AGBL4: variants seen among roughly 807,000 people sequenced by gnomAD.
AGBL4 encodes cytosolic carboxypeptidase 6.
In AGBL4, 58 loss-of-function variants were observed where a neutral mutation model predicts 66.4. The observed-to-expected ratio is 0.87, with a 90% CI of 0.71 to 1.09. The LOEUF (loss-of-function observed/expected upper bound fraction) is 1.09, where lower values mean the gene tolerates loss of function less well. AGBL4 is among the 50% of genes least tolerant of loss of function. The probability of loss-of-function intolerance (pLI) is 0.00; values close to 1 mark genes in which losing one functional copy is unlikely to be tolerated. For missense variants in AGBL4, 579 were observed against 631.0 expected (o/e 0.92, Z 0.88); for synonymous variants, 234 against 222.9 (o/e 1.05, Z -0.44).
At chr1:49,312,340 C>G (rs141884531) in intron 3 of AGBL4, among the ~76,000 whole-genome samples, 2 of 152,062 alleles carry the variant, frequency 1.3e-5, no homozygotes, top group African/African-American at 4.8e-5. Context: ...AAGACAGAGT[C>G]CTTATCAGAC....
chr1:49,784,929 T>A (rs1201992739), intron 2 of AGBL4, among the ~76,000 whole-genome samples: 1 of 152,064 alleles, frequency 6.6e-6, no homozygotes, highest in African/African-American at 2.4e-5. Context: ...CCACAAATCC[T>A]TGCTCTGCCA....
intron 5 of AGBL4, among the ~76,000 whole-genome samples, chr1:49,011,011 A>G (rs1274937984): frequency 6.6e-6 from 1 of 151,830 alleles, no homozygotes; most frequent in South Asian, 2.1e-4. Context: ...AATGGCAACA[A>G]AAGACAAAAT....
chr1:49,129,111 A>G (rs1042348514), intron 4 of AGBL4, among the ~76,000 whole-genome samples: 1 of 152,070 alleles, frequency 6.6e-6, no homozygotes, highest in Non-Finnish European at 1.5e-5. Context: ...AATGCTTACT[A>G]TCATCAGGCA....
chr1:49,468,741 G>T (rs1178856296), intron 3 of AGBL4, among the ~76,000 whole-genome samples: 1 of 151,714 alleles, frequency 6.6e-6, no homozygotes, highest in Non-Finnish European at 1.5e-5. Flanking sequence ...GAGACCTTTA[G>T]AGAGTTCTAA....
intron 3 of AGBL4, among the ~76,000 whole-genome samples, chr1:49,485,544 A>T (rs1647048769): frequency 6.6e-6 from 1 of 151,500 alleles, no homozygotes; most frequent in Non-Finnish European, 1.5e-5. Flanking sequence ...CCAACATGGC[A>T]CATGTATACA....
intron 11 of AGBL4, among the ~76,000 whole-genome samples, chr1:48,556,781 T>TTTTTG (rs899659220): frequency 2.6e-5 from 4 of 152,126 alleles, no homozygotes; most frequent in African/African-American, 4.8e-5. Context: ...ACCTATTTCT[T>TTTTTG]TTTTGTTTTG....
chr1:49,636,793 T>C (rs1645681292), intron 3 of AGBL4, among the ~76,000 whole-genome samples: 1 of 152,214 alleles, frequency 6.6e-6, no homozygotes, highest in Non-Finnish European at 1.5e-5. Flanking sequence ...TTTATTGATC[T>C]GCATGATCCA....
chr1:49,790,360 T>C (rs1212806302), intron 2 of AGBL4, among the ~76,000 whole-genome samples: 1 of 90,064 alleles, frequency 1.1e-5, no homozygotes, highest in African/African-American at 3.8e-5. Context: ...TGAGATTCTA[T>C]CTCAAAAAAA....
intron 4 of AGBL4, among the ~76,000 whole-genome samples, chr1:49,227,277 T>C (rs1433969224): frequency 6.6e-6 from 1 of 152,212 alleles, no homozygotes; most frequent in Non-Finnish European, 1.5e-5. Context: ...GCACCAACAA[T>C]GGTGTTGATA....
At chr1:48,842,216 C>A (rs1000556468) in intron 6 of AGBL4, among the ~76,000 whole-genome samples, 1 of 152,166 alleles carries the variant, frequency 6.6e-6, no homozygotes, top group African/African-American at 2.4e-5. Flanking sequence ...CACCCCATTT[C>A]CCATCATTCC....
At chr1:49,547,975 T>C (rs1652635761) in intron 3 of AGBL4, among the ~76,000 whole-genome samples, 1 of 152,082 alleles carries the variant, frequency 6.6e-6, no homozygotes, top group Non-Finnish European at 1.5e-5. Context: ...GGTTTCACCA[T>C]GTTGGTGAGG....
At chr1:49,198,892 A>T (rs1570036117) in intron 4 of AGBL4, among the ~76,000 whole-genome samples, 1 of 152,166 alleles carries the variant, frequency 6.6e-6, no homozygotes, top group African/African-American at 2.4e-5. Flanking sequence ...GAGACAAACA[A>T]CTAATTAGAG....
intron 5 of AGBL4, among the ~76,000 whole-genome samples, chr1:49,035,724 C>A (rs905879790): frequency 1.6e-4 from 24 of 151,692 alleles, no homozygotes; most frequent in African/African-American, 5.6e-4. Context: ...ACCTGACACT[C>A]CTGGGGTGTG....
intron 5 of AGBL4, among the ~76,000 whole-genome samples, chr1:49,025,833 A>C (rs1372944638): frequency 1.3e-5 from 2 of 152,162 alleles, no homozygotes; most frequent in Non-Finnish European, 2.9e-5. Context: ...CGGATTTATT[A>C]TTTTCATAAC....
chr1:49,053,606 G>C (rs2147894117), intron 4 of AGBL4, among the ~76,000 whole-genome samples: 1 of 152,212 alleles, frequency 6.6e-6, no homozygotes, highest in East Asian at 1.9e-4. Context: ...AAGCAGTCCT[G>C]CTTATAGGGA....
chr1:49,393,748 C>T (rs1644898848), intron 3 of AGBL4, among the ~76,000 whole-genome samples: 1 of 152,152 alleles, frequency 6.6e-6, no homozygotes, highest in African/African-American at 2.4e-5. Flanking sequence ...TCACTAAGTG[C>T]ATAGAGCTGT....
At chr1:48,837,708 ACAC>A (rs1425622871) in intron 6 of AGBL4, among the ~76,000 whole-genome samples, 7 of 72,354 alleles carry the variant, frequency 9.7e-5, no homozygotes, top group Admixed American at 8.6e-4. Context: ...GCACACACAC[ACAC>A]TATATATATA....
chr1:48,765,191 G>A (rs565997882), intron 6 of AGBL4, among the ~76,000 whole-genome samples: 10 of 152,128 alleles, frequency 6.6e-5, no homozygotes, highest in South Asian at 6.2e-4. Flanking sequence ...ATCCACTGGC[G>A]TATGAGTAAC....
Position 49,285,152 on chromosome 1 carries a change from G to C in AGBL4, c.283-39288C>G, listed in dbSNP as rs1271612657. 8.5e-5 allele frequency among the ~76,000 whole-genome samples: 13 copies of C among 152,194 alleles called. No homozygotes were observed. In the South Asian group the frequency reaches 2.7e-3, roughly 32 times the overall value. ...TCTCCTCAGCAAATGTAAAAGAACAGAGATTATAACAAACTGTCTCTCAGA... is the reference window on the plus strand; with the variant it reads ...TCTCCTCAGCAAATGTAAAAGAACACAGATTATAACAAACTGTCTCTCAGA... On this transcript the variant is annotated intron_variant, in intron 3 of 13. Coordinates refer to ENST00000371839, the MANE Select transcript of AGBL4 (RefSeq NM_032785.4).
Sources: allele counts gnomAD v4.1 joint callset (sites outside exome capture counted in the v4.1 genomes callset), GRCh38; gene constraint gnomAD v4.1.1; transcripts MANE v1.5; gene names NCBI Gene and HGNC (gene_info 2026-07-23, HGNC 2026-07-21).